Variants in KLF8 observed in about 807,000 individuals in gnomAD.
KLF8 encodes the protein Krueppel-like factor 8.
KLF8 carries 10 observed loss-of-function variants against 18.2 expected under a neutral mutation model. That is an observed-to-expected ratio of 0.55 (90% CI 0.34 to 0.93). KLF8 has a LOEUF of 0.93. Among genes scored for constraint, KLF8 ranks in the 40% least tolerant of loss-of-function variants. KLF8 has a pLI of 0.02. For synonymous variants in KLF8, 109 were observed against 97.3 expected, an observed-to-expected ratio of 1.12 and a Z score of -0.71; for missense variants, 264 against 277.9, an observed-to-expected ratio of 0.95 and a Z score of 0.36.
intron 5 of KLF8, among the ~76,000 whole-genome samples, chrX:56,281,744 A>T (rs2067204335): frequency 8.9e-6 from 1 of 112,260 alleles, no homozygotes; most frequent in Admixed American, 9.4e-5. Flanking sequence ...TAGTTAATAT[A>T]TGTGCTTTAT....
At chrX:56,211,719 G>A in the KLF8 span, among the ~76,000 whole-genome samples, 2 of 111,665 alleles carry the variant, frequency 1.8e-5, no homozygotes, top group East Asian at 2.8e-4. Flanking sequence ...TTTGGTTTCC[G>A]GCTAAGCTTG....
the KLF8 span, among the ~76,000 whole-genome samples, chrX:56,001,714 A>G: frequency 8.9e-6 from 1 of 111,841 alleles, no homozygotes; most frequent in Admixed American, 9.5e-5. Context: ...ACAACTCCAC[A>G]AAAACTTCCC....
the KLF8 span, among the ~76,000 whole-genome samples, chrX:55,938,488 A>G: frequency 8.9e-6 from 1 of 111,746 alleles, no homozygotes; most frequent in South Asian, 3.8e-4. Flanking sequence ...ATAACCAGCT[A>G]ACATCATAAT....
the KLF8 span, among the ~76,000 whole-genome samples, chrX:56,056,801 A>AT: frequency 1.6e-3 from 167 of 101,513 alleles, no homozygotes; most frequent in Admixed American, 5.1e-3. Flanking sequence ...AAGTATATAT[A>AT]AAAAAAAAAG....
chrX:56,169,166 C>A, the KLF8 span, among the ~76,000 whole-genome samples: 5 of 110,929 alleles, frequency 4.5e-5, no homozygotes, highest in Admixed American at 4.8e-4. Flanking sequence ...ACTAAAGAGC[C>A]CTTGATCCAT....
chrX:56,051,332 G>A, the KLF8 span, among the ~76,000 whole-genome samples: 1 of 109,498 alleles, frequency 9.1e-6, no homozygotes, highest in Non-Finnish European at 1.9e-5. Context: ...TGGTTATTTT[G>A]CTCGTTAGTT....
the KLF8 span, among the ~76,000 whole-genome samples, chrX:56,008,189 AG>A: frequency 9.1e-6 from 1 of 109,923 alleles, no homozygotes; most frequent in Non-Finnish European, 1.9e-5. Context: ...CATAATTAAA[AG>A]AAATGCTAAA....
At chrX:56,075,096 C>T in the KLF8 span, among the ~76,000 whole-genome samples, 1 of 110,425 alleles carries the variant, frequency 9.1e-6, no homozygotes, top group East Asian at 2.8e-4. Flanking sequence ...TTTAGGTCTT[C>T]TTTAATTTTT....
chrX:55,975,492 C>T, the KLF8 span, among the ~76,000 whole-genome samples: 40 of 111,687 alleles, frequency 3.6e-4, no homozygotes, highest in African/African-American at 1.2e-3. Flanking sequence ...ATTTCATCCT[C>T]ATTCCACATA....
chrX:56,051,886 C>T, the KLF8 span, among the ~76,000 whole-genome samples: 4 of 109,332 alleles, frequency 3.7e-5, no homozygotes, highest in East Asian at 1.1e-3. Flanking sequence ...TTCCATTCTC[C>T]CCATCACTTT....
chrX:55,961,464 T>G, the KLF8 span: 2 of 549,119 alleles, frequency 3.6e-6, no homozygotes, highest in Admixed American at 4.5e-5. Context: ...AGGCCCAGAT[T>G]GCCACAAAAA....
chrX:56,173,276 A>G, the KLF8 span, among the ~76,000 whole-genome samples: 3 of 111,910 alleles, frequency 2.7e-5, no homozygotes, highest in African/African-American at 9.7e-5. Flanking sequence ...TAATTTTTGT[A>G]TAAGTTGTAA....
chrX:56,028,333 C>T, the KLF8 span, among the ~76,000 whole-genome samples: 1 of 111,889 alleles, frequency 8.9e-6, no homozygotes, highest in Non-Finnish European at 1.9e-5. Flanking sequence ...ATCTGCAAAA[C>T]CCACAGCTCC....
chrX:55,962,025 A>G, the KLF8 span: 3 of 159,142 alleles, frequency 1.9e-5, no homozygotes, highest in South Asian at 1.4e-4. Context: ...TCATAAGCCA[A>G]GAACATGGAG....
the KLF8 span, among the ~76,000 whole-genome samples, chrX:56,086,138 C>T: frequency 1.8e-5 from 2 of 112,040 alleles, no homozygotes; most frequent in African/African-American, 3.2e-5. Context: ...GGCTTCTGTG[C>T]GGTGATTTGG....
At chrX:56,183,458 G>A in the KLF8 span, among the ~76,000 whole-genome samples, 279 of 111,641 alleles carry the variant, frequency 2.5e-3, no homozygotes, top group Non-Finnish European at 3.5e-3. Flanking sequence ...CTCACACTCC[G>A]TGGGCTGCAC....
At chrX:56,003,695 T>A in the KLF8 span, among the ~76,000 whole-genome samples, 2 of 112,143 alleles carry the variant, frequency 1.8e-5, no homozygotes, top group Non-Finnish European at 3.8e-5. Flanking sequence ...GATTTGCATC[T>A]ATGGCTTATT....
chrX:56,111,806 G>A, the KLF8 span, among the ~76,000 whole-genome samples: 1 of 111,920 alleles, frequency 8.9e-6, no homozygotes, highest in Admixed American at 9.5e-5. Flanking sequence ...CAGTTAGAAT[G>A]GCGATCATTA....
the KLF8 span, among the ~76,000 whole-genome samples, chrX:55,942,323 C>T: frequency 4.8e-3 from 526 of 108,923 alleles, 3 homozygotes; most frequent in African/African-American, 0.016. Context: ...TCAATGAGTA[C>T]GCATGGACAC....
Sources: gnomAD v4.1 joint callset for allele counts (sites outside exome capture counted in the v4.1 genomes callset) on GRCh38, gnomAD v4.1.1 for gene constraint, MANE v1.5 for transcripts, NCBI Gene and HGNC (gene_info 2026-07-23, HGNC 2026-07-21) for gene names.